Variants in PIK3C2A observed in about 807,000 individuals in gnomAD.
PIK3C2A encodes the protein phosphatidylinositol-4-phosphate 3-kinase catalytic subunit type 2 alpha.
In PIK3C2A, 97 loss-of-function variants were observed where a neutral mutation model predicts 204.5. That is an observed-to-expected ratio of 0.47 (90% confidence interval 0.40 to 0.56). PIK3C2A has a LOEUF of 0.56. Ranked by LOEUF, PIK3C2A falls within the 20% of genes least tolerant of loss-of-function variation. PIK3C2A has a pLI of 0.00. For synonymous variants in PIK3C2A, 653 were observed against 664.4 expected, an observed-to-expected ratio of 0.98 and a Z score of 0.26; for missense variants, 1,735 against 1,969.2, an observed-to-expected ratio of 0.88 and a Z score of 2.25.
chr11:17,137,973 CT>C lies in PIK3C2A; in HGVS notation c.1705-1349del, dbSNP rs200617748. 8.3e-3 allele frequency: 4,528 copies of C among 544,148 alleles called. 185 individuals are homozygous for C. Among genetic ancestry groups the C allele is most frequent in the South Asian group, 0.062 (3,537 of 57,386 alleles). The allele number at this position is 544,148 out of a possible 1,614,324, so 33.7% of individuals were successfully genotyped here. On this transcript the variant is annotated intron_variant, in intron 8 of 32. Transcript: ENST00000691414. ...TTTTTATTACTCAAAAAAGCTTCAT[CT>C]TTTATTTAGCTTTCTGACTCCCTGC...
intron 6 of PIK3C2A, among the ~76,000 whole-genome samples, chr11:17,147,257 C>G (rs1207302882): frequency 6.6e-6 from 1 of 152,108 alleles, no homozygotes; most frequent in African/African-American, 2.4e-5. Flanking sequence ...TGTTTTCACT[C>G]TTGTATAAAG....
rs548226354 is a variant in PIK3C2A, at chr11:17,100,271, G to C, written c.4009-302C>G. 8.4e-5 allele frequency among the ~76,000 whole-genome samples: 12 copies of C among 142,922 alleles called. No homozygotes were observed. The South Asian group carries it at 2.5e-3, about 30-fold the overall frequency. The allele number at this position is 142,922 out of a possible 152,430, so 93.8% of individuals were successfully genotyped here. ...GGGCGGGGGGGGGGGGCAGGGAGCCGGGTGCGATCTTGGCTCACTGCATCC... is the reference window on the plus strand; with the variant it reads ...GGGCGGGGGGGGGGGGCAGGGAGCCCGGTGCGATCTTGGCTCACTGCATCC... On this transcript the variant is annotated intron_variant, in intron 25 of 32. Coordinates refer to ENST00000691414, the MANE Select transcript of PIK3C2A (RefSeq NM_002645.4).
chr11:17,168,897 TC>T lies in PIK3C2A; in HGVS notation c.844del (p.Asp282IlefsTer6). 6.2e-7 allele frequency: 1 copy of T among 1,614,152 alleles called. No homozygotes were observed. The highest frequency in any genetic ancestry group is 8.5e-7 in the Non-Finnish European group (1 of 1,180,004). ...DLDPLSKPKV[D>X]NVEVLDHEEE... ...CTCATGGTCTAATACCTCCACATTA[TC>T]CACCTTAGGCTTACTTAGAGGATCC... On this transcript the variant is annotated frameshift_variant, in exon 2 of 33. Coordinates refer to ENST00000691414, the MANE Select transcript of PIK3C2A (RefSeq NM_002645.4). LOFTEE classifies it high-confidence loss of function.
At chr11:17,160,738 G>A (rs1850746647) in intron 2 of PIK3C2A, among the ~76,000 whole-genome samples, 2 of 152,064 alleles carry the variant, frequency 1.3e-5, no homozygotes, top group South Asian at 4.1e-4. Context: ...GCAGGAGGAT[G>A]GCTCGAACCC....
chr11:17,118,783 C>A (rs752722181), intron 17 of PIK3C2A, 44 bp from the exon 18 acceptor site: 2 of 886,832 alleles, frequency 2.3e-6, no homozygotes, highest in African/African-American at 3.4e-5. Context: ...CTAACCCATA[C>A]TAAATTGTTC....
intron 8 of PIK3C2A, chr11:17,138,341 T>A (rs921693465): frequency 1.4e-4 from 58 of 405,456 alleles, no homozygotes; most frequent in East Asian, 2.3e-4. Context: ...TTTTTTTTTT[T>A]AATTCAGTGT....
In PIK3C2A at chr11:17,118,674, T is replaced by A. The variant is rs1849279742; in HGVS notation, c.3006A>T (p.Gly1002=). Residue 1002 remains glycine (G), a synonymous_variant, in exon 18 of 33, where the codon GGA becomes GGT. Coordinates refer to ENST00000691414, the MANE Select transcript of PIK3C2A (RefSeq NM_002645.4). ...ATAAATTGTGTGCTATCTGGATATTTCCCAATGCCCTGGACAAAAGGAATT... is the reference window on the plus strand; with the variant it reads ...ATAAATTGTGTGCTATCTGGATATTACCCAATGCCCTGGACAAAAGGAATT... ...LVQFLLSRAL[G]NIQIAHNLYW... is the part of the protein sequence containing the mutation. The A allele has an allele frequency of 6.5e-7, 1 of 1,538,664 alleles. No individual in the cohort carries two copies. Among genetic ancestry groups the A allele is most frequent in the Admixed American group, 1.7e-5 (1 of 58,950 alleles).
At chr11:17,182,897 C>T (rs561509267) in intron 1 of PIK3C2A, among the ~76,000 whole-genome samples, 1 of 152,246 alleles carries the variant, frequency 6.6e-6, no homozygotes, top group African/African-American at 2.4e-5. Context: ...CGAAGTGAAG[C>T]AGCATGATCA....
chr11:17,100,153 A>C (rs1848575799), intron 25 of PIK3C2A, among the ~76,000 whole-genome samples, 184 bp from the exon 26 acceptor site: 1 of 149,786 alleles, frequency 6.7e-6, no homozygotes, highest in South Asian at 2.1e-4. Flanking sequence ...ACACCAAGGA[A>C]GTCAAGCAAT....
chr11:17,155,653 T>C, intron 2 of PIK3C2A, 24 bp from the exon 3 acceptor site: 1 of 1,392,932 alleles, frequency 7.2e-7, no homozygotes, highest in East Asian at 2.3e-5. Flanking sequence ...AGTGTTTTTA[T>C]TTTAAAAGTG....
chr11:17,192,089 A>G (rs545773), intron 1 of PIK3C2A, among the ~76,000 whole-genome samples: 87,926 of 151,920 alleles, frequency 0.58, 25,798 homozygotes, highest in East Asian at 0.82. Flanking sequence ...AGGTTGCAGC[A>G]AGCGGAGATC....
In PIK3C2A at chr11:17,093,500, G is replaced by A. The variant is rs1408772520; in HGVS notation, c.4451+761C>T. The stretch of plus-strand genomic sequence containing the variant: ...AGGATGGTCTCCATCTCCTGACCTC[G>A]TGATCCGCCCGCCTTGGCCTCCCAA... On this transcript the variant is annotated intron_variant, in intron 28 of 32. Coordinates refer to ENST00000691414, the MANE Select transcript of PIK3C2A (RefSeq NM_002645.4). 3.3e-5 allele frequency among the ~76,000 whole-genome samples: 5 copies of A among 152,274 alleles called. No homozygotes were observed. The South Asian group carries it at 6.2e-4, about 19-fold the overall frequency.
intron 24 of PIK3C2A, among the ~76,000 whole-genome samples, chr11:17,101,717 C>G (rs1259590888): frequency 3.3e-5 from 5 of 151,416 alleles, no homozygotes; most frequent in Non-Finnish European, 2.9e-5. Flanking sequence ...CATTCTCCTG[C>G]CTCAGCCTCC....
chr11:17,160,409 A>T (rs982777481), intron 2 of PIK3C2A, among the ~76,000 whole-genome samples: 4 of 152,324 alleles, frequency 2.6e-5, no homozygotes, highest in African/African-American at 7.2e-5. Context: ...GTCAATTTTT[A>T]AAAAATAAGC....
chr11:17,135,272 A>G (rs1849833521), intron 9 of PIK3C2A, 113 bp from the exon 10 acceptor site: 1 of 943,606 alleles, frequency 1.1e-6, no homozygotes. Flanking sequence ...AAGTATCTAC[A>G]GAATTAATAA....
chr11:17,182,130 A>C (rs1851588962), intron 1 of PIK3C2A, among the ~76,000 whole-genome samples: 1 of 152,078 alleles, frequency 6.6e-6, no homozygotes, highest in Non-Finnish European at 1.5e-5. Context: ...AGTTACTCAC[A>C]AAGTTATAAT....
intron 9 of PIK3C2A, among the ~76,000 whole-genome samples, chr11:17,135,872 T>C (rs978459291): frequency 2.0e-5 from 3 of 152,200 alleles, no homozygotes; most frequent in Non-Finnish European, 4.4e-5. Context: ...CTATCCTTTA[T>C]ATTTATCATG....
chr11:17,131,547 G>A (rs377540794), intron 12 of PIK3C2A, among the ~76,000 whole-genome samples: 6 of 149,574 alleles, frequency 4.0e-5, no homozygotes, highest in East Asian at 2.0e-4. Context: ...TCAGCCTCCC[G>A]AGTAGCTGGG....
intron 2 of PIK3C2A, among the ~76,000 whole-genome samples, chr11:17,157,547 T>G (rs1329288225): frequency 6.6e-6 from 1 of 152,066 alleles, no homozygotes; most frequent in East Asian, 1.9e-4. Context: ...AGATTAATAC[T>G]GTGGAATGTG....
Sources: gnomAD v4.1 joint callset for allele counts (sites outside exome capture counted in the v4.1 genomes callset) on GRCh38, gnomAD v4.1.1 for gene constraint, MANE v1.5 for transcripts, NCBI Gene and HGNC (gene_info 2026-07-23, HGNC 2026-07-21) for gene names.